The following ZNF613 variants were observed in gnomAD, a reference collection of about 807,000 sequenced individuals.
ZNF613 encodes zinc finger protein 613.
In ZNF613, 8 loss-of-function variants were observed where a neutral mutation model predicts 14.3. That is an observed-to-expected ratio of 0.56 (90% CI 0.33 to 1.01). The LOEUF is 1.01. Ranked by LOEUF, ZNF613 falls within the 50% of genes least tolerant of loss-of-function variation. ZNF613 has a pLI of 0.03. For missense variants in ZNF613, 656 were observed against 741.9 expected, an observed-to-expected ratio of 0.88 and a Z score of 1.35; for synonymous variants, 228 against 254.5, an observed-to-expected ratio of 0.90 and a Z score of 0.99.
chr19:51,936,080 G>A lies in ZNF613; in HGVS notation c.-141G>A. The stretch of plus-strand genomic sequence containing the variant: ...ACACTTCAAGTGAGGTGAGGAGGAG[G>A]TTCCAGGACCTGGATACCATCCTTT... On this transcript the variant is annotated 5_prime_UTR_variant, in exon 3 of 6. Transcript: ENST00000293471. 1 of 793,394 alleles carries A rather than the reference G, an allele frequency of 1.3e-6. No individual in the cohort carries two copies. The highest frequency in any genetic ancestry group is 2.0e-6 in the Non-Finnish European group (1 of 510,510). 49.1% of individuals were successfully genotyped at this position (793,394 alleles called of 1,614,324 possible). A position where few individuals can be genotyped will look rare whatever the true frequency, so the allele number is the denominator to read the frequency against.
At chr19:51,936,309 T>G in intron 3 of ZNF613, 74 bp downstream of exon 3, 1 of 1,490,732 alleles carries the variant, frequency 6.7e-7, no homozygotes, top group Non-Finnish European at 9.1e-7. Flanking sequence ...GTCAGTTGAA[T>G]TAAGTCAAAA....
rs1040233524 is a variant in ZNF613 at position 51,940,420 on chromosome 19, G to C, written c.142+85G>C. ...AGCTTTCAAAAGCTCTGGAGGGCCTGTGGTGCTCTGAAGTGGTAGATTCTG... is the reference window on the plus strand; with the variant it reads ...AGCTTTCAAAAGCTCTGGAGGGCCTCTGGTGCTCTGAAGTGGTAGATTCTG... On this transcript the variant is annotated intron_variant, in intron 4 of 5. Coordinates refer to ENST00000293471, the MANE Select transcript of ZNF613 (RefSeq NM_001031721.4). 34 of 1,605,922 alleles carry C rather than the reference G, an allele frequency of 2.1e-5. No homozygotes were observed. In the East Asian group the frequency reaches 6.5e-4, roughly 31 times the overall value.
intron 2 of ZNF613, among the ~76,000 whole-genome samples, chr19:51,934,106 C>T (rs192909051): frequency 2.0e-4 from 30 of 152,284 alleles, no homozygotes; most frequent in African/African-American, 6.7e-4. Context: ...CCCGGCCAGT[C>T]ACCTTTTTTT....
Position 51,944,987 on chromosome 19 carries a change from A to G in ZNF613, c.1104A>G (p.Gly368=), listed in dbSNP as rs780675651. The change falls in exon 6 of 6, where the codon GGA becomes GGG. Residue 368 remains glycine, a synonymous_variant. Coordinates refer to ENST00000293471, the MANE Select transcript of ZNF613 (RefSeq NM_001031721.4). ...ATGCACATCAGAAAGCTCACACAGG[A>G]GAGAAGTCATATATATGCCGTGATT... ...QLNAHQKAHT[G]EKSYICRDCG... is the part of the protein sequence containing the mutation. The G allele has an allele frequency of 6.2e-7, 1 of 1,614,220 alleles. No homozygotes were observed. Among genetic ancestry groups the G allele is most frequent in the Non-Finnish European group, 8.5e-7 (1 of 1,180,032 alleles).
chr19:51,933,673 G>C (rs575253633), intron 2 of ZNF613, among the ~76,000 whole-genome samples: 6 of 152,198 alleles, frequency 3.9e-5, no homozygotes, highest in Non-Finnish European at 8.8e-5. Context: ...AGGTTCCCAC[G>C]TTGGGAATGT....
chr19:51,929,242 G>A (rs1191220929), intron 1 of ZNF613, among the ~76,000 whole-genome samples: 5 of 152,004 alleles, frequency 3.3e-5, no homozygotes, highest in Non-Finnish European at 7.4e-5. Flanking sequence ...TTCTGTAATA[G>A]TATACCATCA....
rs1391771955 is a variant in ZNF613 at position 51,944,459 on chromosome 19, T to TA, written c.578dup (p.His194AlafsTer9). 1 of 1,603,850 alleles carries TA rather than the reference T, an allele frequency of 6.2e-7. No individual in the cohort carries two copies. Among genetic ancestry groups the TA allele is most frequent in the Admixed American group, 1.7e-5 (1 of 59,398 alleles). On this transcript the variant is annotated frameshift_variant, in exon 6 of 6. Transcript: ENST00000293471. LOFTEE classifies it low-confidence loss of function (END_TRUNC). ...CTGTGAATACAAATTCACAATTCAT[T>TA]AAGCATCAGCGAACTCAAAACATAG...
intron 2 of ZNF613, among the ~76,000 whole-genome samples, chr19:51,934,617 T>G (rs2085292058): frequency 1.3e-5 from 2 of 152,206 alleles, no homozygotes; most frequent in African/African-American, 4.8e-5. Context: ...TTATGGAAAT[T>G]TTCTTTATGG....
Position 51,945,080 on chromosome 19 carries a change from C to G in ZNF613, c.1197C>G (p.Pro399=). The G allele has an allele frequency of 1.2e-6, 2 of 1,614,024 alleles. No individual in the cohort carries two copies. Among genetic ancestry groups the G allele is most frequent in the Non-Finnish European group, 1.7e-6 (2 of 1,179,988 alleles). Residue 399 remains proline, a synonymous_variant, in exon 6 of 6, where the codon CCC becomes CCG. Coordinates refer to ENST00000293471, the MANE Select transcript of ZNF613 (RefSeq NM_001031721.4). The part of the protein sequence containing the change: ...VHQRIHTGEK[P]YICNECGKGF... Reference sequence around the variant, plus strand: ...AGCGAATTCATACTGGAGAAAAACCCTATATATGCAATGAATGTGGAAAAG... The same window carrying G: ...AGCGAATTCATACTGGAGAAAAACCGTATATATGCAATGAATGTGGAAAAG...
intron 1 of ZNF613, chr19:51,928,050 A>ATCTAATCTATCTATCTATCT (rs753717327): frequency 3.7e-5 from 3 of 81,650 alleles, no homozygotes; most frequent in Non-Finnish European, 5.1e-5. Context: ...TGTCTAATCT[A>ATCTAATCTATCTATCTATCT]ATCTATCTAT....
chr19:51,935,376 T>C (rs915755477), intron 2 of ZNF613, among the ~76,000 whole-genome samples: 2 of 152,228 alleles, frequency 1.3e-5, no homozygotes, highest in Non-Finnish European at 2.9e-5. Flanking sequence ...GATGATGGTA[T>C]GCAGTCCAAA....
chr19:51,931,776 C>A (rs993153838), intron 2 of ZNF613, among the ~76,000 whole-genome samples: 1 of 152,166 alleles, frequency 6.6e-6, no homozygotes, highest in African/African-American at 2.4e-5. Flanking sequence ...TCCAGTAGAC[C>A]CTGGCAACCA....
chr19:51,944,133 G>T lies in ZNF613; in HGVS notation c.250G>T (p.Asp84Tyr). The T allele has an allele frequency of 1.3e-6, 2 of 1,527,890 alleles. No individual in the cohort carries two copies. The highest frequency in any genetic ancestry group is 2.6e-5 in the South Asian group (2 of 77,572). The allele number at this position is 1,527,890 out of a possible 1,614,324, so 94.6% of individuals were successfully genotyped here. A position where few individuals can be genotyped will look rare whatever the true frequency, so the allele number is the denominator to read the frequency against. Reference protein sequence around the residue: ...SQICPEIKKVDNHLQMHSQKQ... With the variant: ...SQICPEIKKVYNHLQMHSQKQ... ...TTCTTTCCTAGAAATCAAGAAAGTTGACAATCATCTACAGATGCACTCACA... is the reference window on the plus strand; with the variant it reads ...TTCTTTCCTAGAAATCAAGAAAGTTTACAATCATCTACAGATGCACTCACA... The change falls in exon 6 of 6, where the codon GAC (aspartate) becomes TAC (tyrosine). Residue 84 changes from aspartate to tyrosine, a missense_variant. Physicochemically the swap from Asp to Tyr is radical, Grantham distance 160. Coordinates refer to ENST00000293471, the MANE Select transcript of ZNF613 (RefSeq NM_001031721.4).
rs576759685 is a variant in ZNF613, at chr19:51,935,417, T to G, written c.-193-611T>G. The stretch of plus-strand genomic sequence containing the variant: ...TCAGCAGAGGCTAAGGTCATGTTCT[T>G]GGAGACAGGCTGTGTGGGTTCAGAT... On this transcript the variant is annotated intron_variant, in intron 2 of 5. Coordinates refer to ENST00000293471, the MANE Select transcript of ZNF613 (RefSeq NM_001031721.4). Among the ~76,000 whole-genome samples, 6 of 152,370 alleles carry G rather than the reference T, an allele frequency of 3.9e-5. No individual in the cohort carries two copies. In the South Asian group the frequency reaches 1.2e-3, roughly 32 times the overall value.
intron 5 of ZNF613, among the ~76,000 whole-genome samples, chr19:51,940,915 TTTTTATTTATTTTA>T (rs2085344311): frequency 6.6e-6 from 1 of 152,106 alleles, no homozygotes; most frequent in African/African-American, 2.4e-5. Flanking sequence ...CACTGTTTAT[TTTTTATTTATTTTA>T]TTTTATTTAT....
rs1454706782 is a variant in ZNF613 at position 51,940,255 on chromosome 19, A to G, written c.62A>G (p.Glu21Gly). ...EDVAVEFTWEEWQLLGPAQKD... is the reference protein window; with the variant it reads ...EDVAVEFTWEGWQLLGPAQKD... ...GTGGCTGTGGAGTTCACTTGGGAGG[A>G]GTGGCAGCTCCTCGGCCCTGCTCAG... The change falls in exon 4 of 6, where the codon GAG becomes GGG. Residue 21 changes from glutamate (E) to glycine (G), a missense_variant. Coordinates refer to ENST00000293471, the MANE Select transcript of ZNF613 (RefSeq NM_001031721.4). The G allele has an allele frequency of 6.2e-7, 1 of 1,613,728 alleles. No homozygotes were observed. The highest frequency in any genetic ancestry group is 1.1e-5 in the South Asian group (1 of 91,062).
intron 2 of ZNF613, among the ~76,000 whole-genome samples, chr19:51,931,963 T>C (rs1227839765): frequency 6.6e-6 from 1 of 152,146 alleles, no homozygotes; most frequent in Non-Finnish European, 1.5e-5. Flanking sequence ...TTGCCTCTAG[T>C]GGATAAGGGC....
intron 4 of ZNF613, 36 bp downstream of exon 4, chr19:51,940,371 C>A (rs1568466002): frequency 6.2e-7 from 1 of 1,612,664 alleles, no homozygotes; most frequent in Non-Finnish European, 8.5e-7. Flanking sequence ...CAGAGAGTAC[C>A]CAGTCAAAGG....
rs1367696431 is a variant in ZNF613, at chr19:51,944,555, A to G, written c.672A>G (p.Arg224=). 2 of 1,614,212 alleles carry G rather than the reference A, an allele frequency of 1.2e-6. No individual in the cohort carries two copies. Among genetic ancestry groups the G allele is most frequent in the Non-Finnish European group, 1.7e-6 (2 of 1,180,034 alleles). The change falls in exon 6 of 6, where the codon AGA becomes AGG. Residue 224 remains arginine (R), a synonymous_variant. Transcript: ENST00000293471. ...LKKSRLIYHQ[R]VHTGEKPHGC... ...AGTCTCGCCTCATCTATCATCAGAGAGTTCACACTGGGGAGAAACCTCATG... is the reference window on the plus strand; with the variant it reads ...AGTCTCGCCTCATCTATCATCAGAGGGTTCACACTGGGGAGAAACCTCATG...
Sources: allele counts gnomAD v4.1 joint callset (sites outside exome capture counted in the v4.1 genomes callset), GRCh38; gene constraint gnomAD v4.1.1; transcripts MANE v1.5; gene names NCBI Gene and HGNC (gene_info 2026-07-23, HGNC 2026-07-21).